TACR3: variants seen among roughly 807,000 people sequenced by gnomAD.
TACR3 encodes the protein tachykinin receptor 3, also known as neuromedin-K receptor.
Under a neutral mutation model 35.0 loss-of-function variants are expected in TACR3, and 34 were observed. The ratio of observed to expected loss-of-function variants is 0.97; its 90% CI spans 0.74 to 1.30. TACR3 has a LOEUF of 1.30. Ranked by LOEUF, TACR3 falls within the 50% of genes most tolerant of loss-of-function variation. The pLI is 0.00. For synonymous variants in TACR3, 233 were observed against 221.1 expected (o/e 1.05, Z -0.48); for missense variants, 558 against 591.7 (o/e 0.94, Z 0.59).
At chr4:103,602,645 A>G (rs1330547671) in intron 3 of TACR3, among the ~76,000 whole-genome samples, 2 of 152,184 alleles carry the variant, frequency 1.3e-5, no homozygotes, top group Non-Finnish European at 2.9e-5. Flanking sequence ...GAGTTTGCCT[A>G]GAGGTCCACT....
intron 1 of TACR3, among the ~76,000 whole-genome samples, chr4:103,668,620 G>C (rs1206301055): frequency 6.6e-6 from 1 of 152,064 alleles, no homozygotes; most frequent in African/African-American, 2.4e-5. Context: ...GGCCGAGGCA[G>C]GCAGATCACC....
At chr4:103,602,111 C>T (rs1352272984) in intron 3 of TACR3, among the ~76,000 whole-genome samples, 1 of 152,090 alleles carries the variant, frequency 6.6e-6, no homozygotes, top group Non-Finnish European at 1.5e-5. Context: ...CTCTAAACTT[C>T]TCTTCTCCCT....
chr4:103,685,240 G>T (rs963786806), intron 1 of TACR3, among the ~76,000 whole-genome samples: 3 of 151,882 alleles, frequency 2.0e-5, no homozygotes, highest in Non-Finnish European at 4.4e-5. Flanking sequence ...TTTGTCAATG[G>T]TATAAAGGCA....
At chr4:103,711,595 G>T (rs1279906264) in intron 1 of TACR3, among the ~76,000 whole-genome samples, 1 of 152,156 alleles carries the variant, frequency 6.6e-6, no homozygotes, top group Non-Finnish European at 1.5e-5. Context: ...AGACAGGGAT[G>T]CCCTCTCTCA....
At chr4:103,683,988 TATTA>T (rs1317143969) in intron 1 of TACR3, among the ~76,000 whole-genome samples, 1 of 152,088 alleles carries the variant, frequency 6.6e-6, no homozygotes. Context: ...AATTTAAATA[TATTA>T]ATTGATAACA....
In TACR3 at chr4:103,685,984, G is replaced by A. The variant is rs183020920; in HGVS notation, c.549-27581C>T. ...AAGAATGGATAAACTCTTACCTAGG[G>A]TATTTGTTGAAAATAATAGAGATCT... On this transcript the variant is annotated intron_variant, in intron 1 of 4. Transcript: ENST00000304883. Among the ~76,000 whole-genome samples the A allele has an allele frequency of 5.3e-5, 8 of 152,200 alleles. No individual in the cohort carries two copies. In the East Asian group the frequency reaches 1.5e-3, roughly 29 times the overall value.
At chr4:103,712,165 CA>C (rs1179872369) in intron 1 of TACR3, among the ~76,000 whole-genome samples, 2 of 152,110 alleles carry the variant, frequency 1.3e-5, no homozygotes, top group Admixed American at 1.3e-4. Context: ...CATATGGAAC[CA>C]AAAAAGAGCC....
chr4:103,662,268 G>T (rs150896568), intron 1 of TACR3, among the ~76,000 whole-genome samples: 2 of 144,552 alleles, frequency 1.4e-5, no homozygotes, highest in East Asian at 2.1e-4. Flanking sequence ...CGCCCAGGCC[G>T]TAAGTGCAGT....
chr4:103,707,402 G>T (rs1722819646), intron 1 of TACR3, among the ~76,000 whole-genome samples: 1 of 151,680 alleles, frequency 6.6e-6, no homozygotes, highest in Admixed American at 6.6e-5. Flanking sequence ...ATAACAACCT[G>T]GTCTTGTTTT....
intron 1 of TACR3, among the ~76,000 whole-genome samples, chr4:103,672,084 A>G (rs1726067938): frequency 6.6e-6 from 1 of 152,162 alleles, no homozygotes; most frequent in Non-Finnish European, 1.5e-5. Flanking sequence ...TTCTTTGTTC[A>G]TGCATAAGAA....
intron 3 of TACR3, among the ~76,000 whole-genome samples, chr4:103,619,325 G>T (rs980955319): frequency 1.3e-5 from 2 of 152,114 alleles, no homozygotes; most frequent in Admixed American, 1.3e-4. Context: ...GAGTAGCTGG[G>T]ATTGCAGACA....
chr4:103,606,706 T>C lies in TACR3; in HGVS notation c.889-15023A>G, dbSNP rs199831011. Among the ~76,000 whole-genome samples, 3,703 of 152,178 alleles carry C rather than the reference T, an allele frequency of 0.024. 215 individuals carry two copies. In the East Asian group the frequency reaches 0.26, roughly 11 times the overall value. The stretch of plus-strand genomic sequence containing the variant: ...GACTTTGCTGAAGTTGCTTATCAGC[T>C]TAAGGAGATTTTGGGCTGAGACAGT... On this transcript the variant is annotated intron_variant, in intron 3 of 4. Coordinates refer to ENST00000304883, the MANE Select transcript of TACR3 (RefSeq NM_001059.3).
chr4:103,676,318 A>G (rs1726169029), intron 1 of TACR3, among the ~76,000 whole-genome samples: 1 of 152,220 alleles, frequency 6.6e-6, no homozygotes, highest in Non-Finnish European at 1.5e-5. Context: ...ACTTTGCTAA[A>G]TAGAAATAAC....
chr4:103,666,197 A>G (rs776395975), intron 1 of TACR3, among the ~76,000 whole-genome samples: 2 of 152,234 alleles, frequency 1.3e-5, no homozygotes, highest in Non-Finnish European at 2.9e-5. Context: ...AAAATAGGGA[A>G]TTAGACCTCG....
chr4:103,590,078 G>C, intron 4 of TACR3, 84 bp from the exon 5 acceptor site: 5 of 1,521,558 alleles, frequency 3.3e-6, no homozygotes, highest in Non-Finnish European at 4.5e-6. Flanking sequence ...TTCTACCTAA[G>C]GCAGTTATAA....
chr4:103,710,492 G>C (rs200154199), intron 1 of TACR3, among the ~76,000 whole-genome samples: 17,778 of 152,102 alleles, frequency 0.12, 1,369 homozygotes, highest in East Asian at 0.37. Context: ...ATATAAAGCT[G>C]TGTGTAGAGG....
chr4:103,614,367 G>C, intron 3 of TACR3, among the ~76,000 whole-genome samples: 1 of 142,942 alleles, frequency 7.0e-6, no homozygotes, highest in Non-Finnish European at 1.6e-5. Context: ...AAAACTGACA[G>C]ATTTTTTTTT....
chr4:103,702,120 A>C (rs758181379), intron 1 of TACR3, among the ~76,000 whole-genome samples: 16 of 152,220 alleles, frequency 1.1e-4, no homozygotes, highest in Non-Finnish European at 2.1e-4. Context: ...GGCAACCTAC[A>C]GAATGGGAGA....
intron 1 of TACR3, among the ~76,000 whole-genome samples, chr4:103,668,839 A>T (rs1578250316): frequency 7.5e-6 from 1 of 133,436 alleles, no homozygotes. Context: ...ACAGAGTGAG[A>T]CTCTGTCTCA....
Sources: allele counts gnomAD v4.1 joint callset (sites outside exome capture counted in the v4.1 genomes callset), GRCh38; gene constraint gnomAD v4.1.1; transcripts MANE v1.5; gene names NCBI Gene and HGNC (gene_info 2026-07-23, HGNC 2026-07-21).